The following PKNOX2 variants were observed in gnomAD, a reference collection of about 807,000 sequenced individuals.
The protein encoded by PKNOX2 is PBX/knotted 1 homeobox 2, also known as homeobox protein PKNOX2.
In PKNOX2, 14 loss-of-function variants were observed where a neutral mutation model predicts 53.1. The observed-to-expected ratio is 0.26, with a 90% CI of 0.17 to 0.41. The LOEUF is 0.41. Ranked by LOEUF, PKNOX2 falls within the 10% of genes least tolerant of loss-of-function variation. The pLI is 1.00. For synonymous variants in PKNOX2, 257 were observed against 242.8 expected (o/e 1.06, Z -0.54); for missense variants, 496 against 602.8 (o/e 0.82, Z 1.85).
At position 125,270,968 on chromosome 11, in the gene PKNOX2, G is replaced by T. The variant is rs547683316; in HGVS notation, c.-130+35853G>T. The stretch of plus-strand genomic sequence containing the variant: ...CCAGGCATCTCAGAGGCTCTTGATT[G>T]GCTAGGACCAAAGATGCTGAACCTT... On this transcript the variant is annotated intron_variant, in intron 2 of 12. Coordinates refer to ENST00000298282, the MANE Select transcript of PKNOX2 (RefSeq NM_001382323.2). 2.3e-3 allele frequency among the ~76,000 whole-genome samples: 346 copies of T among 152,284 alleles called. 1 individual carries two copies. The highest frequency in any genetic ancestry group is 9.3e-3 in the South Asian group (45 of 4,828).
chr11:125,381,366 C>T (rs1953215856), intron 5 of PKNOX2, among the ~76,000 whole-genome samples: 1 of 152,118 alleles, frequency 6.6e-6, no homozygotes, highest in South Asian at 2.1e-4. Context: ...GCTCAGTCCT[C>T]AGGTTGCAGA....
chr11:125,249,168 T>C (rs1943811575), intron 2 of PKNOX2, among the ~76,000 whole-genome samples: 1 of 149,502 alleles, frequency 6.7e-6, no homozygotes. Context: ...CCTATTCCCC[T>C]GGGAATCTCC....
intron 5 of PKNOX2, among the ~76,000 whole-genome samples, chr11:125,371,826 G>A (rs953565460): frequency 2.0e-5 from 3 of 152,186 alleles, no homozygotes; most frequent in Non-Finnish European, 4.4e-5. Context: ...GAGGGCAGTG[G>A]TGCTTTGCCT....
At chr11:125,378,103 T>C (rs1952951607) in intron 5 of PKNOX2, among the ~76,000 whole-genome samples, 1 of 152,190 alleles carries the variant, frequency 6.6e-6, no homozygotes, top group Non-Finnish European at 1.5e-5. Context: ...GTTTCTAGGC[T>C]ATTCTCTGGT....
chr11:125,268,044 A>G (rs1945495588), intron 2 of PKNOX2, among the ~76,000 whole-genome samples: 1 of 152,200 alleles, frequency 6.6e-6, no homozygotes, highest in South Asian at 2.1e-4. Context: ...AACTTTGCCA[A>G]CAACTCTCCT....
intron 2 of PKNOX2, among the ~76,000 whole-genome samples, chr11:125,280,393 G>C (rs532266281): frequency 1.7e-4 from 26 of 152,076 alleles, no homozygotes; most frequent in Non-Finnish European, 2.6e-4. Context: ...AGTGTAGGCT[G>C]GGGGAGATGG....
chr11:125,297,685 C>G (rs1947747428), intron 2 of PKNOX2, among the ~76,000 whole-genome samples: 1 of 152,180 alleles, frequency 6.6e-6, no homozygotes, highest in South Asian at 2.1e-4. Context: ...AGCCCTTCGT[C>G]ATAAACACAG....
chr11:125,334,700 G>T (rs1170136602), intron 3 of PKNOX2, among the ~76,000 whole-genome samples: 3 of 151,258 alleles, frequency 2.0e-5, no homozygotes, highest in Admixed American at 2.0e-4. Flanking sequence ...CCAGGCCCAA[G>T]TGATCCTCCT....
intron 5 of PKNOX2, among the ~76,000 whole-genome samples, chr11:125,384,840 C>T (rs1407868469): frequency 2.0e-5 from 3 of 152,136 alleles, no homozygotes; most frequent in Admixed American, 2.0e-4. Flanking sequence ...TATGAGCATG[C>T]ATGCCAAGGT....
In PKNOX2 at chr11:125,432,228, C is replaced by A; in HGVS notation, c.*836C>A. ...GTCCCTAGGTGATCACAGAACTTAGCTCCTTTAACAACAGGACAATGGTTT... is the reference window on the plus strand; with the variant it reads ...GTCCCTAGGTGATCACAGAACTTAGATCCTTTAACAACAGGACAATGGTTT... On this transcript the variant is annotated 3_prime_UTR_variant, in exon 13 of 13. Coordinates refer to ENST00000298282, the MANE Select transcript of PKNOX2 (RefSeq NM_001382323.2). The A allele has an allele frequency of 6.7e-6, 1 of 150,320 alleles. No individual in the cohort carries two copies. Among genetic ancestry groups the A allele is most frequent in the Non-Finnish European group, 1.5e-5 (1 of 67,442 alleles). The allele number at this position is 150,320 out of a possible 1,614,324, so 9.3% of individuals were successfully genotyped here. A position where few individuals can be genotyped will look rare whatever the true frequency, so the allele number is the denominator to read the frequency against.
chr11:125,203,872 A>G (rs935094422), intron 1 of PKNOX2, among the ~76,000 whole-genome samples: 1 of 152,108 alleles, frequency 6.6e-6, no homozygotes, highest in Admixed American at 6.5e-5. Context: ...TCTCTGTGTC[A>G]TCTCTGGGGG....
chr11:125,350,996 C>G (rs1951274692), intron 3 of PKNOX2, among the ~76,000 whole-genome samples: 1 of 152,176 alleles, frequency 6.6e-6, no homozygotes, highest in Non-Finnish European at 1.5e-5. Flanking sequence ...GCCCCCTCCC[C>G]ACACGTACAA....
chr11:125,220,099 T>C (rs1391267892), intron 1 of PKNOX2, among the ~76,000 whole-genome samples: 1 of 151,502 alleles, frequency 6.6e-6, no homozygotes, highest in Admixed American at 6.6e-5. Context: ...TTTGTACTGA[T>C]AAAGATCTCC....
intron 2 of PKNOX2, among the ~76,000 whole-genome samples, chr11:125,292,838 G>T (rs1286797340): frequency 6.6e-6 from 1 of 152,182 alleles, no homozygotes; most frequent in Non-Finnish European, 1.5e-5. Flanking sequence ...CACCTTTCAA[G>T]ACTGGAGATA....
intron 2 of PKNOX2, among the ~76,000 whole-genome samples, chr11:125,329,371 G>A (rs920015765): frequency 1.6e-4 from 24 of 152,124 alleles, no homozygotes; most frequent in African/African-American, 5.3e-4. Context: ...TTTACAAGAA[G>A]CATTTGCTAT....
At chr11:125,384,249 C>T (rs1237872990) in intron 5 of PKNOX2, among the ~76,000 whole-genome samples, 1 of 152,222 alleles carries the variant, frequency 6.6e-6, no homozygotes, top group Admixed American at 6.5e-5. Context: ...GAGCTAGATT[C>T]CTTCCCTCAT....
intron 5 of PKNOX2, among the ~76,000 whole-genome samples, chr11:125,371,111 G>A (rs1250545865): frequency 1.3e-5 from 2 of 152,180 alleles, no homozygotes; most frequent in Admixed American, 6.5e-5. Context: ...GGTGGGGGAC[G>A]GAGGGCAGCG....
chr11:125,254,722 C>T (rs918740114), intron 2 of PKNOX2, among the ~76,000 whole-genome samples: 16 of 152,164 alleles, frequency 1.1e-4, no homozygotes, highest in Non-Finnish European at 2.1e-4. Flanking sequence ...CCCCTGCTTG[C>T]TCTAGCCAAC....
At chr11:125,316,927 T>C (rs1006135829) in intron 2 of PKNOX2, among the ~76,000 whole-genome samples, 15 of 152,246 alleles carry the variant, frequency 9.9e-5, no homozygotes, top group African/African-American at 3.6e-4. Context: ...GATAGCATTT[T>C]ACCCACAGTA....
Sources: allele counts gnomAD v4.1 joint callset (sites outside exome capture counted in the v4.1 genomes callset), GRCh38; gene constraint gnomAD v4.1.1; transcripts MANE v1.5; gene names NCBI Gene and HGNC (gene_info 2026-07-23, HGNC 2026-07-21).